The following GOLGA7B variants were observed in gnomAD, a reference collection of about 807,000 sequenced individuals.
GOLGA7B encodes the protein golgin A7 family member B.
In GOLGA7B, 17 loss-of-function variants were observed where a neutral mutation model predicts 21.5. That is an observed-to-expected ratio of 0.79 (90% CI 0.54 to 1.19). GOLGA7B has a LOEUF of 1.19. GOLGA7B is among the 50% of genes most tolerant of loss of function. The probability of loss-of-function intolerance (pLI) is 0.00; values close to 1 mark genes in which losing one functional copy is unlikely to be tolerated. For synonymous variants in GOLGA7B, 87 were observed against 84.0 expected (o/e 1.04, Z -0.19); for missense variants, 169 against 224.4 (o/e 0.75, Z 1.58).
rs185490287 is a variant in GOLGA7B, at chr10:97,868,177, T to C, written c.*2477T>C. The C allele has an allele frequency of 6.6e-5, 10 of 152,324 alleles. No individual in the cohort carries two copies. The highest frequency in any genetic ancestry group is 5.9e-4 in the Admixed American group (9 of 15,308). 9.4% of individuals were successfully genotyped at this position (152,324 alleles called of 1,614,324 possible). On this transcript the variant is annotated 3_prime_UTR_variant, in exon 5 of 5. Transcript: ENST00000370602. ...TGGATGTTGGAACCTAGCAGAGTTGTGTCTTGAATTTTATAATTTATTGAG... is the reference window on the plus strand; with the variant it reads ...TGGATGTTGGAACCTAGCAGAGTTGCGTCTTGAATTTTATAATTTATTGAG...
chr10:97,865,540 A>G (rs1452359314), intron 4 of GOLGA7B, 50 bp from the exon 5 acceptor site: 1 of 1,601,424 alleles, frequency 6.2e-7, no homozygotes, highest in Non-Finnish European at 8.5e-7. Flanking sequence ...TTCATGTCCC[A>G]CCCCTGCTCA....
At chr10:97,852,941 G>C (rs2049912786) in intron 1 of GOLGA7B, among the ~76,000 whole-genome samples, 1 of 152,158 alleles carries the variant, frequency 6.6e-6, no homozygotes, top group Non-Finnish European at 1.5e-5. Context: ...GTGTCACTGG[G>C]AGCAGGGTCT....
Position 97,868,001 on chromosome 10 carries a change from A to G in GOLGA7B, c.*2301A>G, listed in dbSNP as rs1439737076. ...CGAGGCCAAAAGTAATCAATTAATG[A>G]TATCAATAAATCCTCATTTCTTGAG... On this transcript the variant is annotated 3_prime_UTR_variant, in exon 5 of 5. Coordinates refer to ENST00000370602, the MANE Select transcript of GOLGA7B (RefSeq NM_001010917.3). 6.6e-6 allele frequency: 1 copy of G among 152,240 alleles called. No individual in the cohort carries two copies. Among genetic ancestry groups the G allele is most frequent in the East Asian group, 1.9e-4 (1 of 5,180 alleles). 9.4% of individuals were successfully genotyped at this position (152,240 alleles called of 1,614,324 possible). A position where few individuals can be genotyped will look rare whatever the true frequency, so the allele number is the denominator to read the frequency against.
chr10:97,865,879 G>A lies in GOLGA7B; in HGVS notation c.*179G>A, dbSNP rs2050016978. 9.6e-7 allele frequency: 1 copy of A among 1,038,622 alleles called. No homozygotes were observed. The highest frequency in any genetic ancestry group is 1.3e-6 in the Non-Finnish European group (1 of 743,510). 64.3% of individuals were successfully genotyped at this position (1,038,622 alleles called of 1,614,324 possible). A position where few individuals can be genotyped will look rare whatever the true frequency, so the allele number is the denominator to read the frequency against. On this transcript the variant is annotated 3_prime_UTR_variant, in exon 5 of 5. Transcript: ENST00000370602. ...TGTGGGCCATCAACCTATGCCCCCT[G>A]TCCCTCACCCCCGTCTGGATCAGTC...
intron 1 of GOLGA7B, among the ~76,000 whole-genome samples, chr10:97,858,114 T>G (rs1305207261): frequency 1.3e-5 from 2 of 152,124 alleles, no homozygotes; most frequent in African/African-American, 4.8e-5. Flanking sequence ...CTGGGTTGCC[T>G]TTTCCTCCCT....
chr10:97,859,567 C>T lies in GOLGA7B; in HGVS notation c.122C>T (p.Pro41Leu), dbSNP rs1053715920. 1 of 1,613,986 alleles carries T rather than the reference C, an allele frequency of 6.2e-7. No homozygotes were observed. Among genetic ancestry groups the T allele is most frequent in the Non-Finnish European group, 8.5e-7 (1 of 1,179,986 alleles). ...TICQFQTKFPPELDSRIERQL... is the reference protein window; with the variant it reads ...TICQFQTKFPLELDSRIERQL... ...TGTCAGTTCCAGACCAAATTCCCCC[C>T]AGAGCTGGACAGCCGGGTAAGGATG... is the stretch of plus-strand genomic sequence containing the variant. Residue 41 changes from proline to leucine, a missense_variant, in exon 2 of 5, where the codon CCA becomes CTA. Transcript: ENST00000370602.
chr10:97,852,037 A>G (rs2049908949), intron 1 of GOLGA7B, among the ~76,000 whole-genome samples: 1 of 152,226 alleles, frequency 6.6e-6, no homozygotes, highest in African/African-American at 2.4e-5. Flanking sequence ...AGATGAGACA[A>G]CTAAGGTTCA....
At chr10:97,850,344 G>C in intron 1 of GOLGA7B, 29 bp downstream of exon 1, 1 of 1,509,968 alleles carries the variant, frequency 6.6e-7, no homozygotes, top group South Asian at 1.2e-5. Flanking sequence ...CCCGCAGGCA[G>C]TGCCCGATTG....
At chr10:97,859,353 C>T in intron 1 of GOLGA7B, 105 bp from the exon 2 acceptor site, 1 of 1,171,442 alleles carries the variant, frequency 8.5e-7, no homozygotes, top group Non-Finnish European at 1.2e-6. Context: ...TGGGAACTTT[C>T]CTGGTGTTAG....
Position 97,865,828 on chromosome 10 carries a change from GGGAGGGT to G in GOLGA7B, c.*130_*136del. ...GCTCACCCTGCTGCCCGGGGTGGGA[GGGAGGGT>G]GACGGGCCTCATATTTCCTGTGGGC... On this transcript the variant is annotated 3_prime_UTR_variant, in exon 5 of 5. Transcript: ENST00000370602. 1.7e-6 allele frequency: 2 copies of G among 1,200,242 alleles called. No homozygotes were observed. The highest frequency in any genetic ancestry group is 2.2e-6 in the Non-Finnish European group (2 of 893,360). The allele number at this position is 1,200,242 out of a possible 1,614,324, so 74.3% of individuals were successfully genotyped here.
rs1483522699 is a variant in GOLGA7B, at chr10:97,864,037, C to G, written c.246C>G (p.Ala82=). 1.2e-6 allele frequency: 2 copies of G among 1,614,102 alleles called. No individual in the cohort carries two copies. Among genetic ancestry groups the G allele is most frequent in the Non-Finnish European group, 1.7e-6 (2 of 1,180,042 alleles). The change falls in exon 3 of 5, where the codon GCC becomes GCG. Residue 82 remains alanine (A), a synonymous_variant. Transcript: ENST00000370602. Reference sequence around the variant, plus strand: ...ACCTCGAGGGCTGCCTGGCCTGCGCCACGGCCTACTTCATCTTCCTCTGCA... The same window carrying G: ...ACCTCGAGGGCTGCCTGGCCTGCGCGACGGCCTACTTCATCTTCCTCTGCA... ...SSYLEGCLAC[A]TAYFIFLCME...
intron 2 of GOLGA7B, among the ~76,000 whole-genome samples, chr10:97,861,918 G>GA (rs2049973620): frequency 6.6e-6 from 1 of 152,176 alleles, no homozygotes; most frequent in Admixed American, 6.5e-5. Context: ...TGTGTAGGGG[G>GA]AACTCCTAAG....
chr10:97,854,553 T>C (rs192687134), intron 1 of GOLGA7B, among the ~76,000 whole-genome samples: 220 of 152,306 alleles, frequency 1.4e-3, no homozygotes, highest in African/African-American at 5.1e-3. Flanking sequence ...TATCATCCTT[T>C]AGCAACTCCT....
chr10:97,854,687 T>C (rs2049924403), intron 1 of GOLGA7B, among the ~76,000 whole-genome samples: 1 of 152,214 alleles, frequency 6.6e-6, no homozygotes, highest in African/African-American at 2.4e-5. Context: ...CTTATCCTAC[T>C]CTGGCTACTT....
At chr10:97,864,357 T>C (rs890204152) in intron 4 of GOLGA7B, 88 bp downstream of exon 4, 2 of 1,043,424 alleles carry the variant, frequency 1.9e-6, no homozygotes, top group African/African-American at 3.2e-5. Flanking sequence ...GAGGCCACCT[T>C]AGGGGCCTCC....
rs757930495 is a variant in GOLGA7B, at chr10:97,859,443, C to T, written c.13-15C>T. 1.9e-5 allele frequency: 31 copies of T among 1,613,490 alleles called. No individual in the cohort carries two copies. The Middle Eastern group carries it at 4.9e-4, about 26-fold the overall frequency. ...ATGGTCACTCTCAGCACATGCCGCC[C>T]GCACGTCTCCTCAGGTCCACAATCT... On this transcript the variant is annotated splice_polypyrimidine_tract_variant and intron_variant, in intron 1 of 4. Transcript: ENST00000370602.
chr10:97,863,670 A>G (rs1221928714), intron 2 of GOLGA7B, among the ~76,000 whole-genome samples: 1 of 152,222 alleles, frequency 6.6e-6, no homozygotes, highest in Non-Finnish European at 1.5e-5. Flanking sequence ...AGATGAGGAA[A>G]CTGAAGCCTA....
intron 1 of GOLGA7B, among the ~76,000 whole-genome samples, chr10:97,856,654 A>G (rs940130067): frequency 7.2e-5 from 11 of 152,208 alleles, no homozygotes; most frequent in Admixed American, 2.0e-4. Flanking sequence ...TATTTAAGAA[A>G]TCTTCATACT....
intron 1 of GOLGA7B, among the ~76,000 whole-genome samples, chr10:97,850,764 C>A (rs183091231): frequency 6.6e-6 from 1 of 152,060 alleles, no homozygotes; most frequent in East Asian, 1.9e-4. Flanking sequence ...ATTTCCTTTG[C>A]GGGAGGGAGG....
Sources: allele counts gnomAD v4.1 joint callset (sites outside exome capture counted in the v4.1 genomes callset), GRCh38; gene constraint gnomAD v4.1.1; transcripts MANE v1.5; gene names NCBI Gene and HGNC (gene_info 2026-07-23, HGNC 2026-07-21).